Variants in SLC35G2 observed in about 807,000 individuals in gnomAD.
SLC35G2 encodes solute carrier family 35 member G2.
A neutral mutation model predicts 27.2 loss-of-function variants in SLC35G2; 20 were observed. The ratio of observed to expected loss-of-function variants is 0.74; its 90% CI spans 0.52 to 1.07. SLC35G2 has a LOEUF of 1.07. SLC35G2 is among the 50% of genes least tolerant of loss of function. The probability of loss-of-function intolerance (pLI) is 0.00; values close to 1 mark genes in which losing one functional copy is unlikely to be tolerated. For synonymous variants in SLC35G2, 148 were observed against 165.3 expected, an observed-to-expected ratio of 0.90 and a Z score of 0.80; for missense variants, 416 against 493.3, an observed-to-expected ratio of 0.84 and a Z score of 1.48.
intron 1 of SLC35G2, among the ~76,000 whole-genome samples, chr3:136,829,552 T>A (rs1382644861): frequency 1.3e-5 from 2 of 152,162 alleles, no homozygotes; most frequent in African/African-American, 4.8e-5. Flanking sequence ...CTGATTAATG[T>A]TCTTTTCTTT....
chr3:136,851,496 CAAAAAAA>C lies in SLC35G2; in HGVS notation c.-18-2928_-18-2922del, dbSNP rs11427657. 2.3e-4 allele frequency among the ~76,000 whole-genome samples: 15 copies of C among 66,520 alleles called. No homozygotes were observed. The South Asian group carries it at 4.9e-3, about 22-fold the overall frequency. 43.6% of individuals were successfully genotyped at this position (66,520 alleles called of 152,430 possible). On this transcript the variant is annotated intron_variant, in intron 1 of 1. Coordinates refer to ENST00000446465, the MANE Select transcript of SLC35G2 (RefSeq NM_025246.3). ...CTGGGCGAAGAGTGAGACTCCGTCT[CAAAAAAA>C]AAAAAAAAAAAAAAAAAAGATGAAC...
chr3:136,819,625 AG>A lies in SLC35G2; in HGVS notation c.-19+1del, dbSNP rs1478002591. 6.6e-6 allele frequency: 1 copy of A among 152,296 alleles called. No individual in the cohort carries two copies. Among genetic ancestry groups the A allele is most frequent in the Non-Finnish European group, 1.5e-5 (1 of 68,072 alleles). 9.4% of individuals were successfully genotyped at this position (152,296 alleles called of 1,614,324 possible). A position where few individuals can be genotyped will look rare whatever the true frequency, so the allele number is the denominator to read the frequency against. On this transcript the variant is annotated splice_region_variant and 5_prime_UTR_variant, in exon 1 of 2. Coordinates refer to ENST00000446465, the MANE Select transcript of SLC35G2 (RefSeq NM_025246.3). ...TCTCGCCCAGTAGCCAACCCAAGCA[AG>A]GGGTGAGTCACTGTGGCGTCATATG...
intron 1 of SLC35G2, among the ~76,000 whole-genome samples, chr3:136,839,848 T>C (rs1298918338): frequency 6.6e-6 from 1 of 152,160 alleles, no homozygotes; most frequent in Non-Finnish European, 1.5e-5. Context: ...TTGATGCTTC[T>C]CTTAGCAGCC....
intron 1 of SLC35G2, among the ~76,000 whole-genome samples, chr3:136,844,148 C>T (rs754650660): frequency 1.2e-4 from 18 of 152,026 alleles, no homozygotes; most frequent in African/African-American, 2.9e-4. Flanking sequence ...GCCGAGATTT[C>T]GCCACTGCAC....
intron 1 of SLC35G2, among the ~76,000 whole-genome samples, chr3:136,851,877 T>G (rs139197196): frequency 9.2e-5 from 14 of 152,264 alleles, no homozygotes; most frequent in African/African-American, 3.1e-4. Context: ...AGGATGCTGT[T>G]GCAATATTCT....
rs557703876 is a variant in SLC35G2 at position 136,848,555 on chromosome 3, TGGGTGACAAAGTGAATCTG to T, written c.-18-5877_-18-5859del. 4.6e-5 allele frequency among the ~76,000 whole-genome samples: 7 copies of T among 152,224 alleles called. No homozygotes were observed. In the South Asian group the frequency reaches 1.5e-3, roughly 32 times the overall value. On this transcript the variant is annotated intron_variant, in intron 1 of 1. Transcript: ENST00000446465. ...GATCACTTGAGCCAGCCATATTCAC[TGGGTGACAAAGTGAATCTG>T]GGGTGACAAAAAGCCATCATAGTCA...
chr3:136,830,530 G>C (rs1360470730), intron 1 of SLC35G2, among the ~76,000 whole-genome samples: 1 of 152,128 alleles, frequency 6.6e-6, no homozygotes, highest in Non-Finnish European at 1.5e-5. Context: ...TGATCTGCCT[G>C]CCTTGGCCTC....
rs1936389468 is a variant in SLC35G2 at position 136,819,473 on chromosome 3, G to A, written c.-174G>A. 1 of 152,278 alleles carries A rather than the reference G, an allele frequency of 6.6e-6. No individual in the cohort carries two copies. Among genetic ancestry groups the A allele is most frequent in the South Asian group, 2.1e-4 (1 of 4,838 alleles). 9.4% of individuals were successfully genotyped at this position (152,278 alleles called of 1,614,324 possible). The stretch of plus-strand genomic sequence containing the variant: ...CCGCATTTCTCTGTGCTGCCCTCCT[G>A]GAGAACCGGGACACGGGGACGGGAG... On this transcript the variant is annotated 5_prime_UTR_variant, in exon 1 of 2. Transcript: ENST00000446465.
At chr3:136,826,525 T>C (rs1016519808) in intron 1 of SLC35G2, among the ~76,000 whole-genome samples, 1 of 152,236 alleles carries the variant, frequency 6.6e-6, no homozygotes. Context: ...AATTTATCCA[T>C]TTCCTTTGGA....
chr3:136,825,885 G>A (rs1443069106), intron 1 of SLC35G2, among the ~76,000 whole-genome samples: 1 of 152,126 alleles, frequency 6.6e-6, no homozygotes, highest in African/African-American at 2.4e-5. Flanking sequence ...GTCTTTGTTA[G>A]TTTTGGTATC....
At chr3:136,849,203 C>T (rs185464609) in intron 1 of SLC35G2, among the ~76,000 whole-genome samples, 14 of 150,536 alleles carry the variant, frequency 9.3e-5, no homozygotes, top group Admixed American at 4.6e-4. Flanking sequence ...ATTATATATA[C>T]ACACACACAC....
chr3:136,849,862 C>T (rs961136420), intron 1 of SLC35G2, among the ~76,000 whole-genome samples: 4 of 150,368 alleles, frequency 2.7e-5, no homozygotes, highest in East Asian at 2.1e-4. Flanking sequence ...CCCAGCACTT[C>T]GGGAAGCCGC....
At chr3:136,846,566 A>G (rs1937387985) in intron 1 of SLC35G2, 1 of 152,220 alleles carries the variant, frequency 6.6e-6, no homozygotes, top group African/African-American at 2.4e-5. Flanking sequence ...GAGCCATGAT[A>G]CTGGTTTAGA....
intron 1 of SLC35G2, among the ~76,000 whole-genome samples, chr3:136,826,100 G>A (rs1468983241): frequency 5.3e-5 from 8 of 151,482 alleles, no homozygotes; most frequent in Admixed American, 3.3e-4. Context: ...ACAGTGGCGC[G>A]ATCTTGGCTC....
At chr3:136,823,057 T>C (rs1936497845) in intron 1 of SLC35G2, among the ~76,000 whole-genome samples, 2 of 152,220 alleles carry the variant, frequency 1.3e-5, no homozygotes, top group African/African-American at 4.8e-5. Context: ...TTTCTCCACA[T>C]CCTTGCCAGC....
At position 136,855,476 on chromosome 3, in the gene SLC35G2, T is replaced by C. The variant is rs1169237696; in HGVS notation, c.1016T>C (p.Leu339Ser). Reference protein sequence around the residue: ...TAAFLGVYYALDKFHPALVST... With the variant: ...TAAFLGVYYASDKFHPALVST... ...GCATTCTTAGGAGTTTATTATGCCT[T>C]GGACAAATTCCATCCAGCTTTGGTT... The change falls in exon 2 of 2, where the codon TTG (leucine) becomes TCG (serine). Residue 339 changes from leucine to serine, a missense_variant. Physicochemically the swap from Leu to Ser is moderately radical, Grantham distance 145. Transcript: ENST00000446465. 6.2e-7 allele frequency: 1 copy of C among 1,614,086 alleles called. No homozygotes were observed. The highest frequency in any genetic ancestry group is 8.5e-7 in the Non-Finnish European group (1 of 1,180,020).
At chr3:136,830,352 G>A (rs1350941195) in intron 1 of SLC35G2, among the ~76,000 whole-genome samples, 8 of 148,692 alleles carry the variant, frequency 5.4e-5, no homozygotes, top group South Asian at 2.2e-4. Context: ...GCGCCATCTC[G>A]GCTCACTGCA....
chr3:136,839,993 A>G lies in SLC35G2; in HGVS notation c.-18-14450A>G, dbSNP rs140672220. ...CCTCAGGTCTGTCTACCATTCTCCT[A>G]TAGCCTAGCTCAGCCCAAAATTTCT... On this transcript the variant is annotated intron_variant, in intron 1 of 1. Coordinates refer to ENST00000446465, the MANE Select transcript of SLC35G2 (RefSeq NM_025246.3). Among the ~76,000 whole-genome samples, 561 of 152,242 alleles carry G rather than the reference A, an allele frequency of 3.7e-3. 3 individuals carry two copies. Among genetic ancestry groups the G allele is most frequent in the African/African-American group, 0.013 (535 of 41,560 alleles).
chr3:136,821,406 A>G (rs1936452643), intron 1 of SLC35G2, among the ~76,000 whole-genome samples: 1 of 152,170 alleles, frequency 6.6e-6, no homozygotes, highest in African/African-American at 2.4e-5. Context: ...TAAAAAAATT[A>G]TTGTGGAAAG....
Sources: gnomAD v4.1 joint callset for allele counts (sites outside exome capture counted in the v4.1 genomes callset) on GRCh38, gnomAD v4.1.1 for gene constraint, MANE v1.5 for transcripts, NCBI Gene and HGNC (gene_info 2026-07-23, HGNC 2026-07-21) for gene names.